Variants in MED12L observed in about 807,000 individuals in gnomAD.
The protein encoded by MED12L is mediator complex subunit 12L, also known as mediator of RNA polymerase II transcription subunit 12-like protein.
In MED12L, 60 loss-of-function variants were observed where a neutral mutation model predicts 281.3. The observed-to-expected ratio is 0.21, with a 90% CI of 0.17 to 0.26. MED12L has a LOEUF of 0.26. Among genes scored for constraint, MED12L ranks in the 10% least tolerant of loss-of-function variants. The pLI is 1.00. For missense variants in MED12L, 2,146 were observed against 2,680.9 expected, an observed-to-expected ratio of 0.80 and a Z score of 4.41; for synonymous variants, 974 against 987.2, an observed-to-expected ratio of 0.99 and a Z score of 0.25.
At chr3:151,213,210 A>G in intron 16 of MED12L, 1 of 983,592 alleles carries the variant, frequency 1.0e-6, no homozygotes, top group Non-Finnish European at 1.5e-6. Context: ...GATGATATTT[A>G]TGATGAGGGC....
chr3:151,230,542 G>GCCAGGACT (rs1190574954), intron 16 of MED12L, among the ~76,000 whole-genome samples: 1 of 150,262 alleles, frequency 6.7e-6, no homozygotes, highest in East Asian at 1.9e-4. Flanking sequence ...TGTGAAACGT[G>GCCAGGACT]CCAGGACTAG....
At chr3:151,098,734 T>A (rs554160333) in intron 2 of MED12L, among the ~76,000 whole-genome samples, 2 of 152,138 alleles carry the variant, frequency 1.3e-5, no homozygotes, top group African/African-American at 4.8e-5. Context: ...ATTAACAGGT[T>A]GTGGGATTTG....
chr3:151,414,273 A>C (rs1029675336), intron 42 of MED12L, among the ~76,000 whole-genome samples: 2 of 152,176 alleles, frequency 1.3e-5, no homozygotes, highest in Admixed American at 6.5e-5. Flanking sequence ...GAGATTTCCT[A>C]AGGAGACTGT....
At chr3:151,094,010 G>A (rs1398649544) in intron 2 of MED12L, among the ~76,000 whole-genome samples, 1 of 152,246 alleles carries the variant, frequency 6.6e-6, no homozygotes, top group Non-Finnish European at 1.5e-5. Flanking sequence ...GGGTGAGCAC[G>A]AGGTAGGAGA....
intron 5 of MED12L, among the ~76,000 whole-genome samples, chr3:151,141,178 G>GTTTGTTTGTTT (rs1553808456): frequency 1.6e-4 from 16 of 102,190 alleles, no homozygotes; most frequent in African/African-American, 6.4e-4. Context: ...TTTTTTTTTT[G>GTTTGTTTGTTT]TTTTTTTTGT....
intron 16 of MED12L, among the ~76,000 whole-genome samples, chr3:151,258,352 A>G (rs1467793396): frequency 1.3e-5 from 2 of 152,158 alleles, no homozygotes; most frequent in Non-Finnish European, 2.9e-5. Flanking sequence ...AATTTTTAGT[A>G]CTTTCTAATG....
chr3:151,169,849 C>A (rs1721206081), intron 11 of MED12L, among the ~76,000 whole-genome samples: 1 of 152,136 alleles, frequency 6.6e-6, no homozygotes, highest in South Asian at 2.1e-4. Context: ...TCTGTAGTTG[C>A]AATAGGTTGG....
intron 4 of MED12L, among the ~76,000 whole-genome samples, chr3:151,126,953 G>A (rs1257715757): frequency 6.6e-6 from 1 of 152,126 alleles, no homozygotes; most frequent in African/African-American, 2.4e-5. Context: ...GTCATGGCTG[G>A]CGTGGGGCAT....
chr3:151,323,105 A>G (rs752640385), intron 16 of MED12L, among the ~76,000 whole-genome samples: 3 of 152,180 alleles, frequency 2.0e-5, no homozygotes, highest in Admixed American at 6.5e-5. Flanking sequence ...TATGGATCCC[A>G]TTGCTAATAT....
At chr3:151,236,321 C>T (rs949276068) in intron 16 of MED12L, among the ~76,000 whole-genome samples, 4 of 152,182 alleles carry the variant, frequency 2.6e-5, no homozygotes, top group Non-Finnish European at 4.4e-5. Flanking sequence ...CTTCAATGTG[C>T]ATAGTAGATT....
intron 31 of MED12L, among the ~76,000 whole-genome samples, chr3:151,379,039 G>A (rs1711728497): frequency 6.6e-6 from 1 of 152,340 alleles, no homozygotes; most frequent in Middle Eastern, 3.4e-3. Flanking sequence ...TAAAGCCTGG[G>A]TTTAAATCCA....
intron 42 of MED12L, among the ~76,000 whole-genome samples, chr3:151,414,040 C>T (rs62285922): frequency 0.067 from 10,180 of 151,994 alleles, 511 homozygotes; most frequent in Middle Eastern, 0.18. Context: ...TTAGTAGAGA[C>T]GGGTTTTTGC....
At chr3:151,148,015 A>G (rs1232710462) in intron 5 of MED12L, among the ~76,000 whole-genome samples, 6 of 152,206 alleles carry the variant, frequency 3.9e-5, no homozygotes, top group South Asian at 2.1e-4. Context: ...CAGTTTCTCT[A>G]CATTCTTGTC....
chr3:151,371,053 C>G (rs1459145964), intron 26 of MED12L, among the ~76,000 whole-genome samples: 2 of 152,240 alleles, frequency 1.3e-5, no homozygotes, highest in African/African-American at 2.4e-5. Context: ...AGGCCTGGCA[C>G]AGACTCTCAT....
chr3:151,309,713 T>C (rs535243655), intron 16 of MED12L, among the ~76,000 whole-genome samples: 1 of 152,346 alleles, frequency 6.6e-6, no homozygotes, highest in South Asian at 2.1e-4. Flanking sequence ...TCTATTTTTG[T>C]TGTTTGCCTG....
In MED12L at chr3:151,378,174, G is replaced by GTT. The variant is rs1435440642; in HGVS notation, c.4478+2_4478+3insTT. On this transcript the variant is annotated splice_donor_variant, in intron 31 of 44. Coordinates refer to ENST00000687756, the MANE Select transcript of MED12L (RefSeq NM_001393769.1). LOFTEE classifies it high-confidence loss of function. ...AAAGGGACAGACAGAAACAGAAAAG[G>GTT]TGTGGCTGGAAGATGGGCGTCTGTG... 7.5e-6 allele frequency: 12 copies of GTT among 1,599,620 alleles called. No individual in the cohort carries two copies. The highest frequency in any genetic ancestry group is 1.0e-5 in the Non-Finnish European group (12 of 1,171,776).
intron 16 of MED12L, chr3:151,295,161 C>G (rs561644452): frequency 5.6e-6 from 9 of 1,612,834 alleles, no homozygotes; most frequent in Non-Finnish European, 7.6e-6. Context: ...TTTCCTGGCC[C>G]GTCGCTCCTG....
rs1755451371 is a variant in MED12L at position 151,367,681 on chromosome 3, T to C, written c.3363T>C (p.Thr1121=). The C allele has an allele frequency of 6.2e-7, 1 of 1,610,588 alleles. No individual in the cohort carries two copies. Among genetic ancestry groups the C allele is most frequent in the East Asian group, 2.2e-5 (1 of 44,668 alleles). The change falls in exon 24 of 45, where the codon ACT becomes ACC. Residue 1121 remains threonine (T), a synonymous_variant. Transcript: ENST00000687756. The part of the protein sequence containing the change: ...SDLSFHDSLA[T]FIAILIARQC... ...TTTCATTCCATGATTCATTAGCTACTTTCATTGCTATTCTGATAGCACGAC... is the reference window on the plus strand; with the variant it reads ...TTTCATTCCATGATTCATTAGCTACCTTCATTGCTATTCTGATAGCACGAC...
Position 151,219,180 on chromosome 3 carries a change from A to G in MED12L, c.2250+25514A>G, listed in dbSNP as rs185291683. Among the ~76,000 whole-genome samples, 4 of 152,354 alleles carry G rather than the reference A, an allele frequency of 2.6e-5. No individual in the cohort carries two copies. The East Asian group carries it at 5.8e-4, about 22-fold the overall frequency. ...TAGATAGTGAGTGCACTTGTCCCTTAGTGCAGTGTAATATCTTAGGATTGT... is the reference window on the plus strand; with the variant it reads ...TAGATAGTGAGTGCACTTGTCCCTTGGTGCAGTGTAATATCTTAGGATTGT... On this transcript the variant is annotated intron_variant, in intron 16 of 44. Coordinates refer to ENST00000687756, the MANE Select transcript of MED12L (RefSeq NM_001393769.1).
Sources: gnomAD v4.1 joint callset for allele counts (sites outside exome capture counted in the v4.1 genomes callset) on GRCh38, gnomAD v4.1.1 for gene constraint, MANE v1.5 for transcripts, NCBI Gene and HGNC (gene_info 2026-07-23, HGNC 2026-07-21) for gene names.